Variants in KL observed in about 807,000 individuals in gnomAD.
KL encodes alpha-klotho.
Under a neutral mutation model 84.2 loss-of-function variants are expected in KL, and 62 were observed. The observed-to-expected ratio is 0.74, with a 90% CI of 0.60 to 0.91. The LOEUF is 0.91. Ranked by LOEUF, KL falls within the 40% of genes least tolerant of loss-of-function variation. The probability of loss-of-function intolerance (pLI) is 0.00; values close to 1 mark genes in which losing one functional copy is unlikely to be tolerated. For synonymous variants in KL, 528 were observed against 528.0 expected, an observed-to-expected ratio of 1.00 and a Z score of 0.00; for missense variants, 1,261 against 1,305.7, an observed-to-expected ratio of 0.97 and a Z score of 0.53.
chr13:33,032,036 C>G (rs1190958066), intron 1 of KL, among the ~76,000 whole-genome samples: 1 of 152,034 alleles, frequency 6.6e-6, no homozygotes, highest in Admixed American at 6.5e-5. Flanking sequence ...TTCTGAACCC[C>G]TATTCCCAGT....
Position 33,031,211 on chromosome 13 carries a change from T to C in KL, c.819+13952T>C, listed in dbSNP as rs112126010. On this transcript the variant is annotated intron_variant, in intron 1 of 4. Transcript: ENST00000380099. ...TAATGGAAGATATGCACCAGCAAAA[T>C]TGTAGTAAATACATAGGAAGAAATA... is the stretch of plus-strand genomic sequence containing the variant. Among the ~76,000 whole-genome samples the C allele has an allele frequency of 1.7e-3, 257 of 152,276 alleles. 3 individuals are homozygous for C. The highest frequency in any genetic ancestry group is 6.0e-3 in the African/African-American group (251 of 41,556).
In KL at chr13:33,021,096, T is replaced by C. The variant is rs76555681; in HGVS notation, c.819+3837T>C. On this transcript the variant is annotated intron_variant, in intron 1 of 4. Transcript: ENST00000380099. ...ATCCTGTTCCCTTCATCTGTATCTC[T>C]GAAAATGGCATCTTGCCCTCCCTTG... is the stretch of plus-strand genomic sequence containing the variant. Among the ~76,000 whole-genome samples the C allele has an allele frequency of 3.4e-3, 523 of 152,332 alleles. 5 individuals carry two copies. Among genetic ancestry groups the C allele is most frequent in the African/African-American group, 0.012 (480 of 41,572 alleles).
At chr13:33,030,539 A>T (rs1280023232) in intron 1 of KL, among the ~76,000 whole-genome samples, 1 of 152,184 alleles carries the variant, frequency 6.6e-6, no homozygotes, top group Non-Finnish European at 1.5e-5. Flanking sequence ...TCATAAGTGC[A>T]AATTATTTTG....
rs762489911 is a variant in KL, at chr13:33,063,945, A to G, written c.2798A>G (p.Asp933Gly). 1 of 1,614,176 alleles carries G rather than the reference A, an allele frequency of 6.2e-7. No homozygotes were observed. The highest frequency in any genetic ancestry group is 8.5e-7 in the Non-Finnish European group (1 of 1,180,034). Reference sequence around the variant, plus strand: ...TTTGGCCTCTATCGTTATGCTGCAGATCAGTTTGAGCCCAAGGCATCCATG... The same window carrying G: ...TTTGGCCTCTATCGTTATGCTGCAGGTCAGTTTGAGCCCAAGGCATCCATG... ...PRFGLYRYAA[D>G]QFEPKASMKH... Residue 933 changes from aspartate to glycine, a missense_variant, in exon 5 of 5, where the codon GAT becomes GGT. By Grantham distance (94) the Asp-to-Gly change is moderately conservative (BLOSUM62 -1). Transcript: ENST00000380099.
At position 33,053,811 on chromosome 13, in the gene KL, C is replaced by T. The variant is rs370852463; in HGVS notation, c.864C>T (p.Pro288=). 2 of 1,613,982 alleles carry T rather than the reference C, an allele frequency of 1.2e-6. No homozygotes were observed. Among genetic ancestry groups the T allele is most frequent in the African/African-American group, 2.7e-5 (2 of 74,912 alleles). Residue 288 remains proline, a synonymous_variant, in exon 2 of 5, where the codon CCC becomes CCT. Coordinates refer to ENST00000380099, the MANE Select transcript of KL (RefSeq NM_004795.4). ...ATCTCTACAATACTTCTTTCCGTCC[C>T]ACTCAGGGAGGTCAGGTGTCCATTG... ...VWHLYNTSFR[P]TQGGQVSIAL... is the part of the protein sequence containing the mutation.
chr13:33,041,044 A>G (rs1871320533), intron 1 of KL, among the ~76,000 whole-genome samples: 1 of 152,152 alleles, frequency 6.6e-6, no homozygotes, highest in Non-Finnish European at 1.5e-5. Context: ...TCTAACTGGT[A>G]TCCTTGCTCC....
Position 33,017,272 on chromosome 13 carries a change from G to T in KL, c.819+13G>T, listed in dbSNP as rs750699028. The T allele has an allele frequency of 6.4e-7, 1 of 1,550,924 alleles. No individual in the cohort carries two copies. The highest frequency in any genetic ancestry group is 8.7e-7 in the Non-Finnish European group (1 of 1,153,974). ...CAACCTCCTCCTGGTGAGTGCGAGG[G>T]GCCAGGCGGAGGGCCACGCAGGGGA... is the stretch of plus-strand genomic sequence containing the variant. On this transcript the variant is annotated intron_variant, in intron 1 of 4. Transcript: ENST00000380099.
At chr13:33,057,318 T>C (rs1872000778) in intron 3 of KL, among the ~76,000 whole-genome samples, 1 of 152,184 alleles carries the variant, frequency 6.6e-6, no homozygotes, top group Admixed American at 6.5e-5. Flanking sequence ...TCTCCTGTTC[T>C]ATTCCTCATC....
chr13:33,016,906 G>C lies in KL; in HGVS notation c.466G>C (p.Val156Leu). Reference sequence around the variant, plus strand: ...CCGCTTCTCCATCTCGTGGGCGCGAGTGCTCCCCAATGGCAGCGCGGGCGT... The same window carrying C: ...CCGCTTCTCCATCTCGTGGGCGCGACTGCTCCCCAATGGCAGCGCGGGCGT... ...HYRFSISWARVLPNGSAGVPN... is the reference protein window; with the variant it reads ...HYRFSISWARLLPNGSAGVPN... Residue 156 changes from valine to leucine, a missense_variant, in exon 1 of 5, where the codon GTG (valine) becomes CTG (leucine). By Grantham distance (32) the Val-to-Leu change is conservative. Transcript: ENST00000380099. 1.9e-6 allele frequency: 3 copies of C among 1,612,056 alleles called. No individual in the cohort carries two copies. Among genetic ancestry groups the C allele is most frequent in the Non-Finnish European group, 2.5e-6 (3 of 1,179,728 alleles).
chr13:33,055,434 C>A, intron 3 of KL, 119 bp downstream of exon 3: 4 of 1,283,534 alleles, frequency 3.1e-6, no homozygotes, highest in Non-Finnish European at 4.5e-6. Context: ...AAAAACAATT[C>A]CTTATGAGTA....
intron 1 of KL, among the ~76,000 whole-genome samples, chr13:33,029,164 G>C (rs1164653189): frequency 1.3e-5 from 2 of 152,028 alleles, no homozygotes; most frequent in Non-Finnish European, 2.9e-5. Flanking sequence ...GCTAGTTATA[G>C]CACATATTTA....
intron 1 of KL, among the ~76,000 whole-genome samples, chr13:33,020,005 C>G (rs1362715816): frequency 6.6e-6 from 1 of 152,084 alleles, no homozygotes; most frequent in Non-Finnish European, 1.5e-5. Context: ...GCCTCTGAGT[C>G]TTTGTTCTGT....
intron 3 of KL, among the ~76,000 whole-genome samples, chr13:33,059,344 A>G (rs1872085784): frequency 2.0e-5 from 3 of 152,234 alleles, no homozygotes; most frequent in African/African-American, 4.8e-5. Flanking sequence ...ATTGAGAACT[A>G]TAATCATCAT....
intron 1 of KL, among the ~76,000 whole-genome samples, chr13:33,035,808 A>G (rs1871132009): frequency 6.6e-6 from 1 of 152,226 alleles, no homozygotes. Flanking sequence ...TCACCGCAGC[A>G]TGATTTAGTA....
At position 33,017,242 on chromosome 13, in the gene KL, G is replaced by A. The variant is rs1271557554; in HGVS notation, c.802G>A (p.Ala268Thr). The change falls in exon 1 of 5, where the codon GCG becomes ACG. Residue 268 changes from alanine (A) to threonine (T), a missense_variant. Transcript: ENST00000380099. Reference sequence around the variant, plus strand: ...CAGCCCGCGGCTCGGGTACCTGGTGGCGCACAACCTCCTCCTGGTGAGTGC... The same window carrying A: ...CAGCCCGCGGCTCGGGTACCTGGTGACGCACAACCTCCTCCTGGTGAGTGC... The part of the protein sequence containing the change: ...RGSPRLGYLV[A>T]HNLLLAHAKV... The A allele has an allele frequency of 1.3e-6, 2 of 1,580,796 alleles. No homozygotes were observed. The highest frequency in any genetic ancestry group is 8.5e-7 in the Non-Finnish European group (1 of 1,170,428).
At chr13:33,054,550 A>G (rs1871880224) in intron 2 of KL, among the ~76,000 whole-genome samples, 1 of 152,260 alleles carries the variant, frequency 6.6e-6, no homozygotes, top group Non-Finnish European at 1.5e-5. Flanking sequence ...TTTTAGATTA[A>G]ATTGAACATA....
chr13:33,018,682 G>A (rs1448178220), intron 1 of KL, among the ~76,000 whole-genome samples: 1 of 152,168 alleles, frequency 6.6e-6, no homozygotes, highest in Non-Finnish European at 1.5e-5. Flanking sequence ...AAAACTATGG[G>A]AAGAATGGTC....
At chr13:33,042,920 G>A (rs1402761868) in intron 1 of KL, among the ~76,000 whole-genome samples, 10 of 152,148 alleles carry the variant, frequency 6.6e-5, no homozygotes, top group African/African-American at 2.2e-4. Flanking sequence ...GACCTCAGGT[G>A]ATCCACCCAC....
At chr13:33,019,095 G>C (rs1287176664) in intron 1 of KL, among the ~76,000 whole-genome samples, 9 of 18,522 alleles carry the variant, frequency 4.9e-4, no homozygotes, top group Non-Finnish European at 1.9e-4. Flanking sequence ...TTAGTAACAG[G>C]TGAATGCTCC....
Sources: allele counts gnomAD v4.1 joint callset (sites outside exome capture counted in the v4.1 genomes callset), GRCh38; gene constraint gnomAD v4.1.1; transcripts MANE v1.5; gene names NCBI Gene and HGNC (gene_info 2026-07-23, HGNC 2026-07-21).